The following TRHDE variants were observed in gnomAD, a reference collection of about 807,000 sequenced individuals.
TRHDE encodes thyrotropin-releasing hormone-degrading ectoenzyme.
A neutral mutation model predicts 125.7 loss-of-function variants in TRHDE; 72 were observed. The ratio of observed to expected loss-of-function variants is 0.57; its 90% CI spans 0.47 to 0.70. The LOEUF (loss-of-function observed/expected upper bound fraction) is 0.70, where lower values mean the gene tolerates loss of function less well. Ranked by LOEUF, TRHDE falls within the 30% of genes least tolerant of loss-of-function variation. The pLI is 0.00. For synonymous variants in TRHDE, 509 were observed against 509.1 expected (o/e 1.00, Z 0.00); for missense variants, 1,110 against 1,327.1 (o/e 0.84, Z 2.54).
chr12:72,267,406 A>T (rs1366658357), upstream of TRHDE, among the ~76,000 whole-genome samples: 1 of 152,076 alleles, frequency 6.6e-6, no homozygotes, highest in Non-Finnish European at 1.5e-5. Context: ...ATGACACTTG[A>T]ATTATTTGGT....
At chr12:72,321,751 T>C (rs1869105934) in intron 2 of TRHDE, among the ~76,000 whole-genome samples, 1 of 152,164 alleles carries the variant, frequency 6.6e-6, no homozygotes, top group South Asian at 2.1e-4. Flanking sequence ...GTTAATATAG[T>C]TGTAAAGTAC....
intron 7 of TRHDE, among the ~76,000 whole-genome samples, chr12:72,544,156 A>G (rs946258814): frequency 6.6e-6 from 1 of 151,354 alleles, no homozygotes; most frequent in Non-Finnish European, 1.5e-5. Context: ...TCATCACTCA[A>G]ACTGATTTAG....
intron 2 of TRHDE, among the ~76,000 whole-genome samples, chr12:72,301,416 A>G (rs1201261569): frequency 6.6e-6 from 1 of 152,138 alleles, no homozygotes; most frequent in Non-Finnish European, 1.5e-5. Flanking sequence ...CCCTAGGGAA[A>G]GGCAGTGCGA....
At chr12:72,559,334 A>G (rs1344665797) in intron 7 of TRHDE, among the ~76,000 whole-genome samples, 2 of 152,214 alleles carry the variant, frequency 1.3e-5, no homozygotes, top group Non-Finnish European at 2.9e-5. Flanking sequence ...ATTGTTATAT[A>G]TGTGAAGATA....
intron 2 of TRHDE, among the ~76,000 whole-genome samples, chr12:72,127,827 T>G (rs192048680): frequency 1.0e-3 from 158 of 152,112 alleles, no homozygotes; most frequent in African/African-American, 3.5e-3. Context: ...AAAATAAAAT[T>G]TGAAATGTAT....
At position 72,473,164 on chromosome 12, in the gene TRHDE, A is replaced by C. The variant is rs778785247; in HGVS notation, c.1568A>C (p.Tyr523Ser). ...GAATTTGTTGGTACAGACTACCTCT[A>C]TCCTGGCTGGAACATGGTAAGTGCA... ...YFEFVGTDYL[Y>S]PGWNMEKQRF... Residue 523 changes from tyrosine to serine, a missense_variant, in exon 5 of 19, where the codon TAT becomes TCT. Transcript: ENST00000261180. 3.7e-6 allele frequency: 6 copies of C among 1,613,628 alleles called. No individual in the cohort carries two copies. Among genetic ancestry groups the C allele is most frequent in the Non-Finnish European group, 5.1e-6 (6 of 1,179,644 alleles).
At chr12:72,462,276 A>G (rs1876158681) in intron 3 of TRHDE, among the ~76,000 whole-genome samples, 1 of 152,154 alleles carries the variant, frequency 6.6e-6, no homozygotes, top group African/African-American at 2.4e-5. Context: ...TGAGCACAAG[A>G]TGGTTTTGGA....
At chr12:72,234,601 G>T (rs1009992614) in intron 2 of TRHDE, among the ~76,000 whole-genome samples, 1 of 152,014 alleles carries the variant, frequency 6.6e-6, no homozygotes, top group South Asian at 2.1e-4. Context: ...ACATAATAAC[G>T]AGAATCATTT....
intron 7 of TRHDE, among the ~76,000 whole-genome samples, chr12:72,547,081 C>A (rs1341128946): frequency 1.3e-5 from 2 of 151,598 alleles, no homozygotes; most frequent in African/African-American, 4.8e-5. Flanking sequence ...GAATGGCTAA[C>A]CGTCTGACAC....
At chr12:72,158,365 T>C (rs1876565007) in intron 2 of TRHDE, among the ~76,000 whole-genome samples, 1 of 151,390 alleles carries the variant, frequency 6.6e-6, no homozygotes, top group East Asian at 1.9e-4. Flanking sequence ...GTTTCATACA[T>C]TCATATGTGT....
intron 6 of TRHDE, among the ~76,000 whole-genome samples, chr12:72,523,919 A>G (rs1868289960): frequency 6.6e-6 from 1 of 152,160 alleles, no homozygotes; most frequent in Non-Finnish European, 1.5e-5. Context: ...CACTCTGAAA[A>G]CAAAAAGCAG....
rs1431747055 is a variant in TRHDE at position 72,668,198 on chromosome 12, T to C, written c.*5003T>C. Reference sequence around the variant, plus strand: ...TAATGTGATATAGATTCAGGAAAAGTCTAACAAAAATGTACTTCAGTAGTT... The same window carrying C: ...TAATGTGATATAGATTCAGGAAAAGCCTAACAAAAATGTACTTCAGTAGTT... On this transcript the variant is annotated 3_prime_UTR_variant, in exon 19 of 19. Coordinates refer to ENST00000261180, the MANE Select transcript of TRHDE (RefSeq NM_013381.3). 1 of 151,778 alleles carries C rather than the reference T, an allele frequency of 6.6e-6. No homozygotes were observed. The highest frequency in any genetic ancestry group is 1.5e-5 in the Non-Finnish European group (1 of 67,778). 9.4% of individuals were successfully genotyped at this position (151,778 alleles called of 1,614,324 possible).
At chr12:72,226,469 T>C (rs1382767008) in intron 2 of TRHDE, among the ~76,000 whole-genome samples, 1 of 152,172 alleles carries the variant, frequency 6.6e-6, no homozygotes, top group Non-Finnish European at 1.5e-5. Flanking sequence ...CTCTTTAAAA[T>C]AGGGTCAATT....
At chr12:72,641,795 T>C (rs1380014328) in intron 15 of TRHDE, among the ~76,000 whole-genome samples, 1 of 152,024 alleles carries the variant, frequency 6.6e-6, no homozygotes, top group East Asian at 1.9e-4. Context: ...CAATTCACTA[T>C]GATTTAGTTT....
chr12:72,468,012 AT>A (rs1272446369), intron 3 of TRHDE, among the ~76,000 whole-genome samples: 3 of 152,244 alleles, frequency 2.0e-5, no homozygotes, highest in African/African-American at 7.2e-5. Flanking sequence ...GTGAAATATT[AT>A]TATTAAAAAC....
chr12:72,441,937 G>A (rs1463188767), intron 3 of TRHDE, among the ~76,000 whole-genome samples: 2 of 151,876 alleles, frequency 1.3e-5, no homozygotes, highest in Admixed American at 6.6e-5. Context: ...ACACCAGACA[G>A]AATTTTTTAG....
At chr12:72,584,282 A>G (rs192989796) in intron 12 of TRHDE, among the ~76,000 whole-genome samples, 168 of 152,094 alleles carry the variant, frequency 1.1e-3, no homozygotes, top group African/African-American at 3.9e-3. Flanking sequence ...TTTTTTTTCA[A>G]TTGACATAAT....
chr12:72,646,656 T>C (rs1249302243), intron 15 of TRHDE, among the ~76,000 whole-genome samples: 1 of 151,768 alleles, frequency 6.6e-6, no homozygotes, highest in African/African-American at 2.4e-5. Context: ...TCTTTGCAAA[T>C]GGAAAAGCAG....
intron 12 of TRHDE, among the ~76,000 whole-genome samples, chr12:72,609,672 T>C (rs1230806021): frequency 6.6e-6 from 1 of 152,212 alleles, no homozygotes; most frequent in African/African-American, 2.4e-5. Flanking sequence ...GCAAAACTTT[T>C]GACATAAACA....
Sources: allele counts gnomAD v4.1 joint callset (sites outside exome capture counted in the v4.1 genomes callset), GRCh38; gene constraint gnomAD v4.1.1; transcripts MANE v1.5; gene names NCBI Gene and HGNC (gene_info 2026-07-23, HGNC 2026-07-21).